NPAS3: variants seen among roughly 807,000 people sequenced by gnomAD.
NPAS3 encodes neuronal PAS domain protein 3.
A neutral mutation model predicts 73.1 loss-of-function variants in NPAS3; 14 were observed. The ratio of observed to expected loss-of-function variants is 0.19; its 90% CI spans 0.13 to 0.30. The LOEUF (loss-of-function observed/expected upper bound fraction) is 0.30, where lower values mean the gene tolerates loss of function less well. Ranked by LOEUF, NPAS3 falls within the 10% of genes least tolerant of loss-of-function variation. The probability of loss-of-function intolerance (pLI) is 1.00; values close to 1 mark genes in which losing one functional copy is unlikely to be tolerated. For missense variants in NPAS3, 1,096 were observed against 1,250.0 expected (o/e 0.88, Z 1.86); for synonymous variants, 620 against 541.5 (o/e 1.14, Z -2.01).
At chr14:33,656,611 A>G (rs528167002) in intron 5 of NPAS3, among the ~76,000 whole-genome samples, 2 of 152,314 alleles carry the variant, frequency 1.3e-5, no homozygotes, top group African/African-American at 2.4e-5. Flanking sequence ...TGAGGTGTAT[A>G]GCATGATGTT....
chr14:33,503,438 A>T (rs1034941014), intron 4 of NPAS3, among the ~76,000 whole-genome samples: 19 of 151,952 alleles, frequency 1.3e-4, no homozygotes, highest in African/African-American at 4.6e-4. Flanking sequence ...GTTGCTCAGT[A>T]AGTGATCAGA....
At chr14:32,991,304 G>A (rs1031188221) in intron 1 of NPAS3, among the ~76,000 whole-genome samples, 5 of 152,026 alleles carry the variant, frequency 3.3e-5, no homozygotes, top group Admixed American at 6.6e-5. Flanking sequence ...GGACATGAAG[G>A]GTAATGTCCC....
chr14:32,970,055 A>G (rs2037354208), intron 1 of NPAS3, among the ~76,000 whole-genome samples: 1 of 152,218 alleles, frequency 6.6e-6, no homozygotes, highest in Non-Finnish European at 1.5e-5. Flanking sequence ...AGGGGCTAAA[A>G]TTCTAAAACA....
At chr14:33,648,486 G>A (rs2058898898) in intron 5 of NPAS3, among the ~76,000 whole-genome samples, 1 of 152,166 alleles carries the variant, frequency 6.6e-6, no homozygotes, top group South Asian at 2.1e-4. Flanking sequence ...TAGAAAGGAA[G>A]GCTTTATGGA....
intron 3 of NPAS3, among the ~76,000 whole-genome samples, chr14:33,220,957 C>T (rs2047401498): frequency 6.6e-6 from 1 of 152,122 alleles, no homozygotes; most frequent in Non-Finnish European, 1.5e-5. Flanking sequence ...TCAACTATTG[C>T]CAGAGAACAA....
chr14:32,939,912 C>T, intron 1 of NPAS3, among the ~76,000 whole-genome samples: 1 of 152,076 alleles, frequency 6.6e-6, no homozygotes, highest in East Asian at 2.0e-4. Context: ...GGGGCCGGCT[C>T]CGTCTCCGCG....
intron 4 of NPAS3, among the ~76,000 whole-genome samples, chr14:33,437,557 A>G (rs1465134230): frequency 6.6e-6 from 1 of 151,044 alleles, no homozygotes; most frequent in Non-Finnish European, 1.5e-5. Context: ...TTCCCACAAG[A>G]TTGATAAAGA....
At chr14:33,684,622 A>AACTC (rs1399884000) in intron 6 of NPAS3, among the ~76,000 whole-genome samples, 4 of 152,158 alleles carry the variant, frequency 2.6e-5, no homozygotes, top group Admixed American at 6.5e-5. Flanking sequence ...CTTGCATTTA[A>AACTC]ACTCATACCA....
At chr14:33,773,441 C>T (rs1402796713) in intron 7 of NPAS3, among the ~76,000 whole-genome samples, 2 of 152,152 alleles carry the variant, frequency 1.3e-5, no homozygotes, top group African/African-American at 4.8e-5. Context: ...CTTCCTTCTG[C>T]AACCTAAGGC....
At chr14:33,523,077 G>C (rs1159272314) in intron 4 of NPAS3, among the ~76,000 whole-genome samples, 1 of 152,108 alleles carries the variant, frequency 6.6e-6, no homozygotes, top group South Asian at 2.1e-4. Flanking sequence ...AAGATAGTTA[G>C]ACAAATACTG....
At chr14:32,995,165 C>T (rs1001451658) in intron 1 of NPAS3, among the ~76,000 whole-genome samples, 3 of 152,216 alleles carry the variant, frequency 2.0e-5, no homozygotes, top group African/African-American at 7.2e-5. Context: ...CTTGATGACC[C>T]ATTGGACATC....
intron 3 of NPAS3, among the ~76,000 whole-genome samples, chr14:33,355,764 C>G (rs2045311060): frequency 6.6e-6 from 1 of 152,188 alleles, no homozygotes; most frequent in African/African-American, 2.4e-5. Context: ...TCCCTTTATT[C>G]CTGTCTCCAC....
intron 5 of NPAS3, among the ~76,000 whole-genome samples, chr14:33,642,950 TAAACCAA>T (rs2058715076): frequency 6.6e-6 from 1 of 152,074 alleles, no homozygotes; most frequent in Admixed American, 6.5e-5. Context: ...AAGAGGCTCT[TAAACCAA>T]AAAAGTGTCC....
At chr14:32,951,239 A>T (rs560208977) in intron 1 of NPAS3, among the ~76,000 whole-genome samples, 134 of 152,222 alleles carry the variant, frequency 8.8e-4, no homozygotes, top group African/African-American at 3.0e-3. Context: ...ATCTATGATT[A>T]TGTGATTTGA....
chr14:33,479,865 AT>A (rs2051228573), intron 4 of NPAS3, among the ~76,000 whole-genome samples: 2 of 152,070 alleles, frequency 1.3e-5, no homozygotes, highest in Admixed American at 6.6e-5. Context: ...TTTGTGAAGA[AT>A]TTCTTGGGGT....
At chr14:33,117,505 T>C (rs534493375) in intron 2 of NPAS3, among the ~76,000 whole-genome samples, 91 of 152,124 alleles carry the variant, frequency 6.0e-4, no homozygotes, top group Admixed American at 2.8e-3. Context: ...AGCCAAAGAG[T>C]GCAGTGTTAA....
intron 2 of NPAS3, among the ~76,000 whole-genome samples, chr14:33,146,444 A>C (rs1205967489): frequency 1.3e-5 from 2 of 152,196 alleles, no homozygotes; most frequent in East Asian, 3.9e-4. Context: ...CTAGGATGGC[A>C]CTTGGCACGT....
intron 5 of NPAS3, among the ~76,000 whole-genome samples, chr14:33,605,303 G>C (rs1383600169): frequency 6.6e-6 from 1 of 150,670 alleles, no homozygotes; most frequent in African/African-American, 2.4e-5. Context: ...AAAAGAAAGG[G>C]ATGTTTGCTC....
rs202167736 is a variant in NPAS3, at chr14:33,778,590, G to C, written c.1153+18G>C. On this transcript the variant is annotated intron_variant, in intron 9 of 11. Transcript: ENST00000356141. ...CTTGGACTGTAAGTACCTCCTGTGT[G>C]GGGGAATAACCCCGGCTGGTGTCAG... 79 of 1,550,556 alleles carry C rather than the reference G, an allele frequency of 5.1e-5. No homozygotes were observed. The South Asian group carries it at 8.2e-4, about 16-fold the overall frequency.
Sources: allele counts gnomAD v4.1 joint callset (sites outside exome capture counted in the v4.1 genomes callset), GRCh38; gene constraint gnomAD v4.1.1; transcripts MANE v1.5; gene names NCBI Gene and HGNC (gene_info 2026-07-23, HGNC 2026-07-21).